The following EMID1 variants were observed in gnomAD, a reference collection of about 807,000 sequenced individuals.
EMID1 encodes EMI domain-containing protein 1.
Under a neutral mutation model 60.6 loss-of-function variants are expected in EMID1, and 40 were observed. That is an observed-to-expected ratio of 0.66 (90% CI 0.51 to 0.86). EMID1 has a LOEUF of 0.86. Among genes scored for constraint, EMID1 ranks in the 40% least tolerant of loss-of-function variants. The pLI is 0.00. For synonymous variants in EMID1, 242 were observed against 231.0 expected (o/e 1.05, Z -0.43); for missense variants, 585 against 597.1 (o/e 0.98, Z 0.21).
chr22:29,207,571 G>A (rs563056400), intron 1 of EMID1, among the ~76,000 whole-genome samples: 1 of 152,314 alleles, frequency 6.6e-6, no homozygotes, highest in South Asian at 2.1e-4. Context: ...CCAGTTCAAG[G>A]CAGGGCTTCC....
chr22:29,253,978 C>T (rs974372586), intron 13 of EMID1: 5 of 985,338 alleles, frequency 5.1e-6, no homozygotes, highest in Non-Finnish European at 6.0e-6. Context: ...TGGGATCCAA[C>T]GGGACCTTCT....
intron 13 of EMID1, among the ~76,000 whole-genome samples, chr22:29,246,760 T>A (rs1401272246): frequency 6.6e-6 from 1 of 152,174 alleles, no homozygotes. Context: ...CCACCTGGTC[T>A]GAGGGAGTTC....
At chr22:29,217,106 C>A (rs2040117945) in intron 3 of EMID1, among the ~76,000 whole-genome samples, 1 of 152,184 alleles carries the variant, frequency 6.6e-6, no homozygotes, top group African/African-American at 2.4e-5. Context: ...GGCATGGGGG[C>A]CGCCTGGGCC....
At chr22:29,239,792 C>T (rs1037146613) in intron 12 of EMID1, among the ~76,000 whole-genome samples, 1 of 148,862 alleles carries the variant, frequency 6.7e-6, no homozygotes, top group Admixed American at 6.8e-5. Context: ...GAGTCTCACT[C>T]TGTCTCCCAG....
intron 12 of EMID1, among the ~76,000 whole-genome samples, chr22:29,239,602 C>T (rs2041081465): frequency 6.6e-6 from 1 of 152,198 alleles, no homozygotes; most frequent in Admixed American, 6.6e-5. Flanking sequence ...TGAATCTCTT[C>T]AAACTGTGTT....
intron 12 of EMID1, among the ~76,000 whole-genome samples, chr22:29,238,967 G>A (rs527249764): frequency 6.9e-6 from 1 of 143,984 alleles, no homozygotes; most frequent in Non-Finnish European, 1.5e-5. Context: ...TGACATTTTT[G>A]GGGGGAAAAT....
chr22:29,215,155 G>T, intron 2 of EMID1, 116 bp downstream of exon 2: 1 of 1,426,286 alleles, frequency 7.0e-7, no homozygotes. Flanking sequence ...CAGGGTGGGC[G>T]GAGCAAAGGT....
intron 8 of EMID1, chr22:29,232,729 G>A (rs9625741): frequency 1.5e-5 from 4 of 273,988 alleles, no homozygotes; most frequent in African/African-American, 2.2e-5. Flanking sequence ...TCCAGTTCTC[G>A]GAACACTGGG....
Position 29,205,932 on chromosome 22 carries a change from C to A in EMID1, c.-107C>A. 1.7e-6 allele frequency: 1 copy of A among 576,014 alleles called. No homozygotes were observed. Among genetic ancestry groups the A allele is most frequent in the Non-Finnish European group, 2.2e-6 (1 of 450,184 alleles). 35.7% of individuals were successfully genotyped at this position (576,014 alleles called of 1,614,324 possible). ...GCCCTCCGGCCGCGGAGCTGGAAAC[C>A]GGGCTCCGCGCGTCCGGGGCGGCTG... On this transcript the variant is annotated 5_prime_UTR_variant, in exon 1 of 15. Coordinates refer to ENST00000334018, the MANE Select transcript of EMID1 (RefSeq NM_133455.4).
chr22:29,231,372 G>A, intron 6 of EMID1: 1 of 818,164 alleles, frequency 1.2e-6, no homozygotes, highest in Non-Finnish European at 2.0e-6. Flanking sequence ...GGAGGTCGGG[G>A]GGAGCTGGGA....
At chr22:29,256,251 T>A (rs568576486) in intron 14 of EMID1, among the ~76,000 whole-genome samples, 1 of 152,034 alleles carries the variant, frequency 6.6e-6, no homozygotes, top group South Asian at 2.1e-4. Flanking sequence ...GGCGTATGGA[T>A]CACCTGAGGT....
intron 3 of EMID1, among the ~76,000 whole-genome samples, chr22:29,217,291 G>T (rs2040123010): frequency 6.6e-6 from 1 of 152,242 alleles, no homozygotes. Context: ...CAGGCCAAGG[G>T]CTGGGGGCTC....
At chr22:29,216,201 T>C (rs2040076670) in intron 3 of EMID1, 3 of 612,764 alleles carry the variant, frequency 4.9e-6, no homozygotes, top group Non-Finnish European at 6.1e-6. Flanking sequence ...CCACCTGGCT[T>C]CACTGTGTGT....
At chr22:29,212,048 C>T (rs540229977) in intron 1 of EMID1, among the ~76,000 whole-genome samples, 11 of 152,248 alleles carry the variant, frequency 7.2e-5, no homozygotes, top group South Asian at 4.1e-4. Flanking sequence ...TGCAGTGGCA[C>T]GATCTGGGCT....
intron 3 of EMID1, among the ~76,000 whole-genome samples, chr22:29,219,288 T>C (rs1054838544): frequency 4.6e-5 from 7 of 152,056 alleles, no homozygotes; most frequent in Non-Finnish European, 1.0e-4. Flanking sequence ...TCCTCCTAGA[T>C]AGAAAGATAG....
chr22:29,225,009 C>T, intron 3 of EMID1, 124 bp from the exon 4 acceptor site: 3 of 938,278 alleles, frequency 3.2e-6, no homozygotes, highest in South Asian at 1.5e-5. Context: ...ATTGCCTCTC[C>T]TCTGGGCCTC....
chr22:29,231,540 T>G (rs1601969874), intron 6 of EMID1, 53 bp from the exon 7 acceptor site: 2 of 1,532,860 alleles, frequency 1.3e-6, no homozygotes, highest in African/African-American at 1.4e-5. Context: ...GGGGCCAGGG[T>G]GGGGGTCAAG....
chr22:29,211,386 T>C lies in EMID1; in HGVS notation c.102-3540T>C, dbSNP rs1028097882. 2.0e-5 allele frequency among the ~76,000 whole-genome samples: 3 copies of C among 152,330 alleles called. 1 individual carries two copies. In the South Asian group the frequency reaches 6.2e-4, roughly 32 times the overall value. On this transcript the variant is annotated intron_variant, in intron 1 of 14. Transcript: ENST00000334018. ...ATGGAGCTCTGTGTTTATGTGGATC[T>C]GTGTGTGCACACGGAGGCCCGTGTG... is the stretch of plus-strand genomic sequence containing the variant.
At chr22:29,228,010 G>T (rs964902932) in intron 5 of EMID1, among the ~76,000 whole-genome samples, 3 of 152,108 alleles carry the variant, frequency 2.0e-5, no homozygotes, top group African/African-American at 7.2e-5. Context: ...ACAAAAATTA[G>T]CCGGGCATGG....
Sources: gnomAD v4.1 joint callset for allele counts (sites outside exome capture counted in the v4.1 genomes callset) on GRCh38, gnomAD v4.1.1 for gene constraint, MANE v1.5 for transcripts, NCBI Gene and HGNC (gene_info 2026-07-23, HGNC 2026-07-21) for gene names.